Variants in AGO3 observed in about 807,000 individuals in gnomAD.
AGO3 encodes the protein argonaute RISC catalytic component 3, also known as protein argonaute-3.
Under a neutral mutation model 105.5 loss-of-function variants are expected in AGO3, and 16 were observed. The ratio of observed to expected loss-of-function variants is 0.15; its 90% CI spans 0.10 to 0.23. The LOEUF is 0.23. AGO3 is among the 10% of genes least tolerant of loss of function. The pLI is 1.00. For synonymous variants in AGO3, 340 were observed against 367.3 expected (o/e 0.93, Z 0.85); for missense variants, 534 against 1,088.0 (o/e 0.49, Z 7.16).
chr1:35,953,589 G>C (rs999502202), intron 2 of AGO3, among the ~76,000 whole-genome samples: 1 of 150,534 alleles, frequency 6.6e-6, no homozygotes, highest in Non-Finnish European at 1.5e-5. Context: ...GCAGTGGCAC[G>C]ATCTTAGCTC....
intron 2 of AGO3, among the ~76,000 whole-genome samples, chr1:35,946,760 G>A (rs747011737): frequency 2.0e-5 from 3 of 152,166 alleles, no homozygotes; most frequent in Non-Finnish European, 4.4e-5. Context: ...AGCACTAAAA[G>A]ACTTTGTGAT....
At chr1:35,952,105 G>C (rs1398002562) in intron 2 of AGO3, among the ~76,000 whole-genome samples, 1 of 145,526 alleles carries the variant, frequency 6.9e-6, no homozygotes, top group African/African-American at 2.5e-5. Context: ...GTCGGTTCTG[G>C]GTCGGTCTTT....
At chr1:35,978,155 C>A (rs1646985002) in intron 5 of AGO3, among the ~76,000 whole-genome samples, 1 of 152,076 alleles carries the variant, frequency 6.6e-6, no homozygotes. Context: ...GAAATAAAAT[C>A]TTGATGAACT....
At position 36,070,060 on chromosome 1, in the gene AGO3, A is replaced by G. The variant is rs982859588; in HGVS notation, c.*14315A>G. On this transcript the variant is annotated 3_prime_UTR_variant, in exon 19 of 19. Coordinates refer to ENST00000373191, the MANE Select transcript of AGO3 (RefSeq NM_024852.4). ...CAACAAAGCGAAGCTCTGTCTCAAT[A>G]AAAAAAAAAATAATAATAATAAAAT... The G allele has an allele frequency of 6.7e-6, 1 of 148,626 alleles. No individual in the cohort carries two copies. Among genetic ancestry groups the G allele is most frequent in the Non-Finnish European group, 1.5e-5 (1 of 66,782 alleles). The allele number at this position is 148,626 out of a possible 1,614,324, so 9.2% of individuals were successfully genotyped here. A position where few individuals can be genotyped will look rare whatever the true frequency, so the allele number is the denominator to read the frequency against.
intron 5 of AGO3, among the ~76,000 whole-genome samples, chr1:35,976,910 A>G (rs1403933601): frequency 6.6e-6 from 1 of 152,150 alleles, no homozygotes; most frequent in Non-Finnish European, 1.5e-5. Context: ...TAAAATGTAT[A>G]ACAGTTTTAA....
intron 6 of AGO3, among the ~76,000 whole-genome samples, chr1:36,007,842 T>C (rs1337507633): frequency 6.6e-6 from 1 of 152,190 alleles, no homozygotes; most frequent in Non-Finnish European, 1.5e-5. Flanking sequence ...TTGACAGCAC[T>C]GCTTCAGAAA....
At chr1:36,006,645 G>C (rs971104116) in intron 6 of AGO3, among the ~76,000 whole-genome samples, 6 of 151,726 alleles carry the variant, frequency 4.0e-5, no homozygotes, top group African/African-American at 1.5e-4. Flanking sequence ...ATCCTCCTTC[G>C]ATAGTATTTT....
intron 13 of AGO3, among the ~76,000 whole-genome samples, chr1:36,035,400 C>CA: frequency 6.6e-6 from 1 of 151,704 alleles, no homozygotes. Context: ...GACCCTGTCT[C>CA]AAAAAAACAA....
chr1:35,935,806 G>A (rs1345790697), intron 1 of AGO3, among the ~76,000 whole-genome samples: 11 of 152,124 alleles, frequency 7.2e-5, no homozygotes, highest in African/African-American at 9.7e-5. Flanking sequence ...CTACCTGAAA[G>A]GTGAATTAAA....
chr1:35,969,089 C>G (rs756854392), intron 3 of AGO3, among the ~76,000 whole-genome samples: 17 of 151,868 alleles, frequency 1.1e-4, no homozygotes, highest in Non-Finnish European at 1.5e-4. Context: ...ATTTTTTGAA[C>G]TGGGTTGTTT....
chr1:36,021,576 C>T (rs1641226834), intron 11 of AGO3, among the ~76,000 whole-genome samples: 1 of 152,066 alleles, frequency 6.6e-6, no homozygotes, highest in Admixed American at 6.6e-5. Flanking sequence ...TGTTTATTAT[C>T]TCTTTTGACT....
intron 11 of AGO3, among the ~76,000 whole-genome samples, chr1:36,024,569 T>G (rs1002719988): frequency 2.0e-5 from 3 of 152,212 alleles, no homozygotes; most frequent in Admixed American, 2.0e-4. Context: ...CTGTCACGCT[T>G]GTTTGAGAAA....
chr1:35,952,685 G>C (rs1028121753), intron 2 of AGO3, among the ~76,000 whole-genome samples: 4 of 152,124 alleles, frequency 2.6e-5, no homozygotes, highest in African/African-American at 9.7e-5. Context: ...GTTGCCTACA[G>C]TATTCAGTAT....
At position 36,008,892 on chromosome 1, in the gene AGO3, C is replaced by T. The variant is rs1446095491; in HGVS notation, c.882-5C>T. The T allele has an allele frequency of 6.2e-7, 1 of 1,613,616 alleles. No individual in the cohort carries two copies. Reference sequence around the variant, plus strand: ...AATTGTTCATGTGTACTTTTTTTTCCTCAGCTTTCCTTTACAGTTAGAAAA... The same window carrying T: ...AATTGTTCATGTGTACTTTTTTTTCTTCAGCTTTCCTTTACAGTTAGAAAA... On this transcript the variant is annotated splice_region_variant and splice_polypyrimidine_tract_variant and intron_variant, in intron 7 of 18. Coordinates refer to ENST00000373191, the MANE Select transcript of AGO3 (RefSeq NM_024852.4). This position sits in a 1 kb window ranked among gnomAD's most constrained non-coding sequence, Gnocchi z 5.1.
Position 35,967,050 on chromosome 1 carries a change from A to T in AGO3, c.287A>T (p.Asn96Ile), listed in dbSNP as rs188633282. Reference protein sequence around the residue: ...YDGKRSLYTANPLPVATTGVD... With the variant: ...YDGKRSLYTAIPLPVATTGVD... ...GGAAAAAGAAGTCTTTACACCGCCA[A>T]TCCACTTCCTGTGGCAACTACAGGG... The change falls in exon 3 of 19, where the codon AAT becomes ATT. Residue 96 changes from asparagine (N) to isoleucine (I), a missense_variant. Physicochemically the swap from Asn to Ile is moderately radical, Grantham distance 149 (BLOSUM62 -3). Coordinates refer to ENST00000373191, the MANE Select transcript of AGO3 (RefSeq NM_024852.4). The T allele has an allele frequency of 1.9e-6, 3 of 1,613,446 alleles. No individual in the cohort carries two copies. Among genetic ancestry groups the T allele is most frequent in the Non-Finnish European group, 2.5e-6 (3 of 1,179,812 alleles).
intron 12 of AGO3, among the ~76,000 whole-genome samples, chr1:36,033,874 A>T (rs769612808): frequency 2.0e-5 from 3 of 152,160 alleles, no homozygotes; most frequent in Non-Finnish European, 4.4e-5. Flanking sequence ...ATAACAAGGG[A>T]TTATGTGCAT....
At chr1:36,017,588 C>T (rs1461266669) in intron 11 of AGO3, among the ~76,000 whole-genome samples, 1 of 152,100 alleles carries the variant, frequency 6.6e-6, no homozygotes, top group African/African-American at 2.4e-5. Context: ...AATTTCTAAT[C>T]ATTGCCTCAT....
intron 2 of AGO3, among the ~76,000 whole-genome samples, chr1:35,962,301 T>C (rs949775314): frequency 2.0e-5 from 3 of 152,062 alleles, no homozygotes; most frequent in Non-Finnish European, 4.4e-5. Context: ...CCCAGCACTT[T>C]GGGAGGCCAA....
intron 5 of AGO3, among the ~76,000 whole-genome samples, chr1:35,975,011 A>G (rs1646931000): frequency 6.6e-6 from 1 of 152,132 alleles, no homozygotes; most frequent in African/African-American, 2.4e-5. Flanking sequence ...GAGGGGATAT[A>G]TTTAACCAGT....
Sources: allele counts gnomAD v4.1 joint callset (sites outside exome capture counted in the v4.1 genomes callset), GRCh38; gene constraint gnomAD v4.1.1; non-coding constraint Gnocchi (gnomAD v3.1); transcripts MANE v1.5; gene names NCBI Gene and HGNC (gene_info 2026-07-23, HGNC 2026-07-21).